The following EEIG2 variants were observed in gnomAD, a reference collection of about 807,000 sequenced individuals.
EEIG2 encodes EEIG family member 2, also known as family with sequence similarity 102 member B.
At chr1:108,620,654 A>G in the EEIG2 span, among the ~76,000 whole-genome samples, 1 of 152,156 alleles carries the variant, frequency 6.6e-6, no homozygotes. Flanking sequence ...GATTTCATGA[A>G]TGTTACTGTC....
chr1:108,563,195 GA>G, the EEIG2 span, among the ~76,000 whole-genome samples: 2 of 152,192 alleles, frequency 1.3e-5, no homozygotes, highest in African/African-American at 2.4e-5. Flanking sequence ...TAAATGATAA[GA>G]GTGGCTCACT....
chr1:108,632,946 AT>A, the EEIG2 span, among the ~76,000 whole-genome samples: 7 of 132,162 alleles, frequency 5.3e-5, no homozygotes, highest in Non-Finnish European at 6.3e-5. Context: ...CATGCCCAGC[AT>A]TTTTTTTTTT....
chr1:108,595,014 A>G, the EEIG2 span, among the ~76,000 whole-genome samples: 2 of 152,144 alleles, frequency 1.3e-5, no homozygotes, highest in Non-Finnish European at 2.9e-5. Flanking sequence ...TCACATACAG[A>G]GTTCACTTGA....
chr1:108,560,339 G>C, the EEIG2 span: 4 of 1,054,052 alleles, frequency 3.8e-6, no homozygotes, highest in Admixed American at 5.6e-5. Flanking sequence ...TCGCGGCCCC[G>C]GCCATGGGGC....
the EEIG2 span, among the ~76,000 whole-genome samples, chr1:108,630,274 C>A: frequency 6.6e-6 from 1 of 152,192 alleles, no homozygotes; most frequent in Non-Finnish European, 1.5e-5. Context: ...CTTTTCTCCA[C>A]CCCACTGCCA....
chr1:108,563,222 G>A, the EEIG2 span, among the ~76,000 whole-genome samples: 15,242 of 152,152 alleles, frequency 0.1, 938 homozygotes, highest in Middle Eastern at 0.2. Context: ...TAGACTGTAC[G>A]GAGTGGTTTA....
the EEIG2 span, chr1:108,560,404 A>C: frequency 1.9e-4 from 281 of 1,453,214 alleles, no homozygotes; most frequent in East Asian, 7.4e-4. Context: ...CCGTGCGCCC[A>C]GCTTGCAGGC....
At chr1:108,578,108 G>A in the EEIG2 span, among the ~76,000 whole-genome samples, 5 of 136,728 alleles carry the variant, frequency 3.7e-5, no homozygotes, top group African/African-American at 1.1e-4. Context: ...TTTGTCTGTT[G>A]TTGGTGTATA....
chr1:108,628,442 C>T, the EEIG2 span: 1 of 1,613,938 alleles, frequency 6.2e-7, no homozygotes, highest in Non-Finnish European at 8.5e-7. Context: ...TGAGCTCTGC[C>T]ACAGGAGAAA....
the EEIG2 span, among the ~76,000 whole-genome samples, chr1:108,599,704 CTTATCT>C: frequency 6.6e-6 from 1 of 152,200 alleles, no homozygotes; most frequent in Non-Finnish European, 1.5e-5. Flanking sequence ...CTTCATTTTC[CTTATCT>C]TTAAAGTGAC....
At chr1:108,636,070 TG>T in the EEIG2 span, 1 of 152,220 alleles carries the variant, frequency 6.6e-6, no homozygotes, top group Non-Finnish European at 1.5e-5. Flanking sequence ...GAAGTGGTGG[TG>T]GGTAGCAGCA....
chr1:108,624,626 C>T, the EEIG2 span: 10 of 1,603,432 alleles, frequency 6.2e-6, no homozygotes, highest in Middle Eastern at 1.7e-4. Context: ...AACTCCAGTT[C>T]GTAAATGTTT....
the EEIG2 span, chr1:108,638,191 AC>A: frequency 6.6e-6 from 1 of 151,854 alleles, no homozygotes; most frequent in African/African-American, 2.4e-5. Context: ...TGAGCCTCCC[AC>A]CTTGGCCTCC....
the EEIG2 span, among the ~76,000 whole-genome samples, chr1:108,624,074 G>A: frequency 1.3e-5 from 2 of 152,138 alleles, no homozygotes; most frequent in African/African-American, 4.8e-5. Flanking sequence ...AATGAAAATA[G>A]ATCCATTACT....
chr1:108,625,142 C>CT, the EEIG2 span: 1 of 162,034 alleles, frequency 6.2e-6, no homozygotes, highest in Non-Finnish European at 1.3e-5. Flanking sequence ...TCAGAGTCTC[C>CT]TGGAGGGCTT....
chr1:108,596,767 C>T, the EEIG2 span, among the ~76,000 whole-genome samples: 1 of 150,506 alleles, frequency 6.6e-6, no homozygotes, highest in Non-Finnish European at 1.5e-5. Context: ...AAGACTGTAT[C>T]TTGCTCTGTC....
At chr1:108,638,255 C>A in the EEIG2 span, 1 of 152,074 alleles carries the variant, frequency 6.6e-6, no homozygotes, top group South Asian at 2.1e-4. Flanking sequence ...AGTTTCTTTT[C>A]TGTATGCTTT....
the EEIG2 span, chr1:108,628,523 A>G: frequency 3.2e-5 from 51 of 1,614,040 alleles, no homozygotes; most frequent in Middle Eastern, 8.2e-4. Context: ...TGAGCAGAAA[A>G]TCGCTGAGCC....
chr1:108,586,534 G>A, the EEIG2 span, among the ~76,000 whole-genome samples: 8 of 152,040 alleles, frequency 5.3e-5, 1 homozygote, highest in South Asian at 4.1e-4. Context: ...GATCTGCTGA[G>A]TCTAAAATTT....
Sources: gnomAD v4.1 joint callset for allele counts (sites outside exome capture counted in the v4.1 genomes callset) on GRCh38, gnomAD v4.1.1 for gene constraint, MANE v1.5 for transcripts, NCBI Gene and HGNC (gene_info 2026-07-23, HGNC 2026-07-21) for gene names.